The following DHRS4 variants were observed in gnomAD, a reference collection of about 807,000 sequenced individuals.
DHRS4 encodes dehydrogenase/reductase SDR family member 4.
A neutral mutation model predicts 28.4 loss-of-function variants in DHRS4; 20 were observed. That is an observed-to-expected ratio of 0.71 (90% CI 0.50 to 1.02). DHRS4 has a LOEUF of 1.02. Among genes scored for constraint, DHRS4 ranks in the 50% least tolerant of loss-of-function variants. The pLI is 0.00. For missense variants in DHRS4, 378 were observed against 367.2 expected (o/e 1.03, Z -0.24); for synonymous variants, 144 against 146.4 (o/e 0.98, Z 0.12).
chr14:23,966,254 G>A lies in DHRS4; in HGVS notation c.532-29G>A, dbSNP rs371622188. The A allele has an allele frequency of 7.2e-4, 1,146 of 1,592,744 alleles. No homozygotes were observed. The African/African-American group carries it at 0.014, about 20-fold the overall frequency. On this transcript the variant is annotated intron_variant, in intron 5 of 7. Transcript: ENST00000313250. ...GAACCAAGAATGACCTGGAAACTATGAGTCTAACACATTCTCTTCTTTCTC... is the reference window on the plus strand; with the variant it reads ...GAACCAAGAATGACCTGGAAACTATAAGTCTAACACATTCTCTTCTTTCTC...
At chr14:23,967,394 A>G in intron 7 of DHRS4, 128 bp downstream of exon 7, 1 of 1,246,484 alleles carries the variant, frequency 8.0e-7, no homozygotes, top group Non-Finnish European at 1.2e-6. Context: ...CTCACAGACC[A>G]CGAATTCATA....
chr14:23,968,747 T>A lies in DHRS4; in HGVS notation c.723-10T>A, dbSNP rs370089707. On this transcript the variant is annotated splice_polypyrimidine_tract_variant and intron_variant, in intron 7 of 7. Transcript: ENST00000313250. The stretch of plus-strand genomic sequence containing the variant: ...TTTTTACCTCCTTCCTTGCTTCCCT[T>A]ATTCCCCAGGTTAGGCGAGCCAGAG... 260 of 1,605,458 alleles carry A rather than the reference T, an allele frequency of 1.6e-4. 1 individual carries two copies. The highest frequency in any genetic ancestry group is 2.1e-4 in the Non-Finnish European group (246 of 1,176,334).
At position 23,960,194 on chromosome 14, in the gene DHRS4, G is replaced by A. The variant is rs193118367; in HGVS notation, c.408+191G>A. On this transcript the variant is annotated intron_variant, in intron 3 of 7. Coordinates refer to ENST00000313250, the MANE Select transcript of DHRS4 (RefSeq NM_021004.4). ...GGCTCTATCCCTGCCCTTCTCATTC[G>A]TTTCTGCTACTCCTAGTTCTCTCTG... Among the ~76,000 whole-genome samples, 13 of 152,050 alleles carry A rather than the reference G, an allele frequency of 8.5e-5. No individual in the cohort carries two copies. The East Asian group carries it at 9.7e-4, about 11-fold the overall frequency.
chr14:23,966,219 C>T (rs1379430389), intron 5 of DHRS4, 64 bp from the exon 6 acceptor site: 1 of 1,582,516 alleles, frequency 6.3e-7, no homozygotes. Flanking sequence ...CCCTCTATGT[C>T]TAGTTATTAG....
chr14:23,955,803 C>T (rs536678623), intron 2 of DHRS4, among the ~76,000 whole-genome samples: 9 of 152,312 alleles, frequency 5.9e-5, no homozygotes, highest in Middle Eastern at 3.4e-3. Flanking sequence ...TGTGGACTAC[C>T]GGGTACTGGA....
intron 2 of DHRS4, among the ~76,000 whole-genome samples, chr14:23,958,482 C>A (rs2033265988): frequency 6.6e-6 from 1 of 152,126 alleles, no homozygotes; most frequent in Admixed American, 6.5e-5. Context: ...TCTGCTTGGC[C>A]ATTCATTACT....
intron 3 of DHRS4, 27 bp downstream of exon 3, chr14:23,960,030 C>CA (rs1555325632): frequency 9.8e-7 from 1 of 1,017,682 alleles, no homozygotes; most frequent in African/African-American, 1.9e-5. Context: ...GCAGGGGGGC[C>CA]GGGGGGGGCG....
At chr14:23,963,154 G>A (rs74850130) in intron 3 of DHRS4, among the ~76,000 whole-genome samples, 30,496 of 76,962 alleles carry the variant, frequency 0.4, 8,952 homozygotes, top group East Asian at 0.79. Flanking sequence ...TAAATCTGAG[G>A]GCCCTAGAAT....
In DHRS4 at chr14:23,966,376, T is replaced by G. The variant is rs771903144; in HGVS notation, c.625T>G (p.Cys209Gly). 1.9e-6 allele frequency: 3 copies of G among 1,613,930 alleles called. No homozygotes were observed. In the South Asian group the frequency reaches 3.3e-5, roughly 18 times the overall value. ...GGCCCCAAGGAACATTAGGGTGAAC[T>G]GCCTAGCACCTGGACTTATCAAGAC... ...ELAPRNIRVN[C>G]LAPGLIKTSF... Residue 209 changes from cysteine to glycine, a missense_variant, in exon 6 of 8, where the codon TGC becomes GGC. Coordinates refer to ENST00000313250, the MANE Select transcript of DHRS4 (RefSeq NM_021004.4).
chr14:23,955,301 A>G, intron 2 of DHRS4, 89 bp downstream of exon 2: 1 of 1,475,378 alleles, frequency 6.8e-7, no homozygotes, highest in Non-Finnish European at 9.0e-7. Flanking sequence ...ACAGCAGCAC[A>G]TTTTTACTGT....
At chr14:23,955,321 T>A (rs1380085973) in intron 2 of DHRS4, 109 bp downstream of exon 2, 26 of 1,444,984 alleles carry the variant, frequency 1.8e-5, no homozygotes, top group Non-Finnish European at 2.3e-5. Context: ...TGTGCCTTTC[T>A]ATTATGTCCA....
intron 2 of DHRS4, among the ~76,000 whole-genome samples, chr14:23,958,644 A>G (rs2033272689): frequency 1.3e-5 from 2 of 152,332 alleles, no homozygotes; most frequent in East Asian, 1.9e-4. Context: ...ATGACATCAT[A>G]ACCAAATATG....
Position 23,965,985 on chromosome 14 carries a change from T to G in DHRS4, c.531+2T>G. 6.2e-7 allele frequency: 1 copy of G among 1,610,558 alleles called. No homozygotes were observed. Among genetic ancestry groups the G allele is most frequent in the Non-Finnish European group, 8.5e-7 (1 of 1,177,750 alleles). Reference sequence around the variant, plus strand: ...ATAGCAGCCTTCAGTCCATCTCCTGTAAGAACCCTTTTGTCTACCTCTTCC... The same window carrying G: ...ATAGCAGCCTTCAGTCCATCTCCTGGAAGAACCCTTTTGTCTACCTCTTCC... On this transcript the variant is annotated splice_donor_variant, in intron 5 of 7. Coordinates refer to ENST00000313250, the MANE Select transcript of DHRS4 (RefSeq NM_021004.4). LOFTEE classifies it high-confidence loss of function.
At position 23,953,929 on chromosome 14, in the gene DHRS4, G is replaced by C. The variant is rs1183254222; in HGVS notation, c.128+13G>C. Reference sequence around the variant, plus strand: ...CCTCCACCGACGGGTGAGTGCTCCGGCCGGAGTTTCTGAGGCCCTGGCTGC... The same window carrying C: ...CCTCCACCGACGGGTGAGTGCTCCGCCCGGAGTTTCTGAGGCCCTGGCTGC... On this transcript the variant is annotated intron_variant, in intron 1 of 7. Coordinates refer to ENST00000313250, the MANE Select transcript of DHRS4 (RefSeq NM_021004.4). The C allele has an allele frequency of 6.4e-7, 1 of 1,571,448 alleles. No individual in the cohort carries two copies. Among genetic ancestry groups the C allele is most frequent in the Non-Finnish European group, 8.6e-7 (1 of 1,159,216 alleles).
rs768515810 is a variant in DHRS4 at position 23,966,386 on chromosome 14, C to T, written c.635C>T (p.Pro212Leu). ...PRNIRVNCLA[P>L]GLIKTSFSRM... ...AACATTAGGGTGAACTGCCTAGCACCTGGACTTATCAAGACTAGCTTCAGC... is the reference window on the plus strand; with the variant it reads ...AACATTAGGGTGAACTGCCTAGCACTTGGACTTATCAAGACTAGCTTCAGC... The change falls in exon 6 of 8, where the codon CCT becomes CTT. Residue 212 changes from proline (P) to leucine (L), a missense_variant. Transcript: ENST00000313250. 5 of 1,614,028 alleles carry T rather than the reference C, an allele frequency of 3.1e-6. No individual in the cohort carries two copies. Among genetic ancestry groups the T allele is most frequent in the Non-Finnish European group, 4.2e-6 (5 of 1,180,014 alleles).
rs373010678 is a variant in DHRS4, at chr14:23,955,016, T to G, written c.129-19T>G. On this transcript the variant is annotated intron_variant, in intron 1 of 7. Coordinates refer to ENST00000313250, the MANE Select transcript of DHRS4 (RefSeq NM_021004.4). Reference sequence around the variant, plus strand: ...CCCCTGCACAGGCCTTAGCAGTCTTTGTCTCTTTCTGCTCACAGGATCGGC... The same window carrying G: ...CCCCTGCACAGGCCTTAGCAGTCTTGGTCTCTTTCTGCTCACAGGATCGGC... 4.0e-4 allele frequency: 650 copies of G among 1,613,942 alleles called. No homozygotes were observed. Among genetic ancestry groups the G allele is most frequent in the South Asian group, 1.0e-3 (92 of 91,080 alleles).
chr14:23,967,418 C>G, intron 7 of DHRS4, 152 bp downstream of exon 7: 1 of 1,183,884 alleles, frequency 8.4e-7, no homozygotes, highest in South Asian at 1.3e-5. Context: ...ACTATCACTA[C>G]AGTGACCTGA....
In DHRS4 at chr14:23,965,749, C is replaced by T; in HGVS notation, c.409-13C>T. ...TTCACTCATGCTGTTTCCCCTTCTT[C>T]TCTTGGCTTCAGACTCTGGACATTA... On this transcript the variant is annotated splice_polypyrimidine_tract_variant and intron_variant, in intron 3 of 7. Coordinates refer to ENST00000313250, the MANE Select transcript of DHRS4 (RefSeq NM_021004.4). The T allele has an allele frequency of 6.3e-7, 1 of 1,593,342 alleles. No individual in the cohort carries two copies. The highest frequency in any genetic ancestry group is 8.6e-7 in the Non-Finnish European group (1 of 1,165,542).
intron 2 of DHRS4, among the ~76,000 whole-genome samples, chr14:23,956,598 CCT>C (rs1491258858): frequency 0.014 from 1,815 of 126,994 alleles, 87 homozygotes; most frequent in African/African-American, 0.078. Flanking sequence ...GCCTCCATAT[CCT>C]TTTTTTTTTT....
Sources: allele counts gnomAD v4.1 joint callset (sites outside exome capture counted in the v4.1 genomes callset), GRCh38; gene constraint gnomAD v4.1.1; transcripts MANE v1.5; gene names NCBI Gene and HGNC (gene_info 2026-07-23, HGNC 2026-07-21).